Variants in MALRD1 observed in about 807,000 individuals in gnomAD.
The protein encoded by MALRD1 is MAM and LDL receptor class A domain containing 1, also known as MAM and LDL-receptor class A domain-containing protein 1.
A neutral mutation model predicts 242.1 loss-of-function variants in MALRD1; 247 were observed. The ratio of observed to expected loss-of-function variants is 1.02; its 90% CI spans 0.92 to 1.13. The LOEUF (loss-of-function observed/expected upper bound fraction) is 1.13, where lower values mean the gene tolerates loss of function less well. Ranked by LOEUF, MALRD1 falls within the 50% of genes most tolerant of loss-of-function variation. The pLI is 0.00. For synonymous variants in MALRD1, 995 were observed against 866.6 expected, an observed-to-expected ratio of 1.15 and a Z score of -2.60; for missense variants, 2,989 against 2,533.1, an observed-to-expected ratio of 1.18 and a Z score of -3.86.
intron 31 of MALRD1, among the ~76,000 whole-genome samples, chr10:19,518,531 A>G (rs1427012951): frequency 6.6e-6 from 1 of 152,166 alleles, no homozygotes; most frequent in East Asian, 1.9e-4. Flanking sequence ...GATAGTATTT[A>G]TGATAGTGTG....
chr10:19,144,346 G>T (rs769101921), intron 10 of MALRD1, among the ~76,000 whole-genome samples: 1 of 152,180 alleles, frequency 6.6e-6, no homozygotes, highest in Non-Finnish European at 1.5e-5. Flanking sequence ...GGAACCCACA[G>T]ATATGGAAGA....
chr10:19,556,165 A>G (rs756161039), intron 32 of MALRD1, among the ~76,000 whole-genome samples: 6 of 152,128 alleles, frequency 3.9e-5, no homozygotes, highest in Non-Finnish European at 7.4e-5. Flanking sequence ...GAGTGGAAAG[A>G]ACAAACAGTT....
chr10:19,581,091 G>A (rs1837097687), intron 33 of MALRD1, among the ~76,000 whole-genome samples: 1 of 151,764 alleles, frequency 6.6e-6, no homozygotes, highest in South Asian at 2.1e-4. Flanking sequence ...CTTTATGAAG[G>A]GCTCTTATGG....
At chr10:19,690,990 A>G (rs1304456530) in intron 36 of MALRD1, among the ~76,000 whole-genome samples, 1 of 152,076 alleles carries the variant, frequency 6.6e-6, no homozygotes, top group African/African-American at 2.4e-5. Flanking sequence ...ATGCCAGGAA[A>G]GTGGCACTAT....
intron 21 of MALRD1, chr10:19,291,430 C>A (rs1401415362): frequency 6.6e-6 from 1 of 151,908 alleles, no homozygotes; most frequent in Non-Finnish European, 1.5e-5. Flanking sequence ...ACCTGTAATC[C>A]CATTGAGAGG....
At chr10:19,228,125 C>T (rs549744266) in intron 18 of MALRD1, among the ~76,000 whole-genome samples, 2 of 152,174 alleles carry the variant, frequency 1.3e-5, no homozygotes, top group Middle Eastern at 3.4e-3. Flanking sequence ...AAAAACATAT[C>T]CGTACCAAGC....
chr10:19,706,973 C>G (rs1331512629), intron 38 of MALRD1, among the ~76,000 whole-genome samples: 1 of 151,926 alleles, frequency 6.6e-6, no homozygotes, highest in Non-Finnish European at 1.5e-5. Context: ...GTAACCCTTC[C>G]TCCTCCTCTT....
At chr10:19,295,433 T>C (rs949035103) in intron 21 of MALRD1, among the ~76,000 whole-genome samples, 3 of 149,952 alleles carry the variant, frequency 2.0e-5, no homozygotes, top group Non-Finnish European at 4.4e-5. Flanking sequence ...AAGTTCACCA[T>C]TTTTTATGCC....
chr10:19,329,091 A>G (rs1297399875), intron 23 of MALRD1, among the ~76,000 whole-genome samples: 2 of 152,226 alleles, frequency 1.3e-5, no homozygotes, highest in Admixed American at 6.5e-5. Context: ...AGTTTTTCAC[A>G]TATTGAGATT....
intron 29 of MALRD1, among the ~76,000 whole-genome samples, chr10:19,483,504 A>T (rs1368362738): frequency 2.0e-5 from 3 of 152,200 alleles, no homozygotes; most frequent in Non-Finnish European, 4.4e-5. Flanking sequence ...GACACTTCTC[A>T]AAAGAAGACA....
chr10:19,166,957 C>A (rs539003491), intron 13 of MALRD1, among the ~76,000 whole-genome samples: 4 of 152,220 alleles, frequency 2.6e-5, no homozygotes, highest in South Asian at 2.1e-4. Context: ...ATCAAATTTC[C>A]TAATGTGTGA....
intron 33 of MALRD1, among the ~76,000 whole-genome samples, chr10:19,587,174 A>G (rs998446912): frequency 5.9e-5 from 9 of 152,170 alleles, no homozygotes; most frequent in African/African-American, 2.2e-4. Context: ...GAAATGCAGA[A>G]ATCACCCATC....
chr10:19,296,638 G>T (rs1411119475), intron 21 of MALRD1, among the ~76,000 whole-genome samples: 1 of 152,126 alleles, frequency 6.6e-6, no homozygotes, highest in Non-Finnish European at 1.5e-5. Context: ...TTCAAGATAA[G>T]TTGGGACTGG....
At chr10:19,175,990 A>C in intron 14 of MALRD1, among the ~76,000 whole-genome samples, 2 of 152,176 alleles carry the variant, frequency 1.3e-5, no homozygotes, top group Non-Finnish European at 2.9e-5. Context: ...CATTGAAAGA[A>C]TGTACACTAT....
rs1366865915 is a variant in MALRD1, at chr10:19,270,336, T to TCTCACACACACA, written c.3080-9710_3080-9709insTCACACACACAC. ...TCTCTCTTCTCTCTCTCTCTCTCTC[T>TCTCACACACACA]CACACACACACACACACACACACAC... On this transcript the variant is annotated intron_variant, in intron 19 of 39. Transcript: ENST00000454679. Among the ~76,000 whole-genome samples, 19 of 130,874 alleles carry TCTCACACACACA rather than the reference T, an allele frequency of 1.5e-4. 1 individual carries two copies. The highest frequency in any genetic ancestry group is 4.7e-4 in the African/African-American group (17 of 36,096). The allele number at this position is 130,874 out of a possible 152,430, so 85.9% of individuals were successfully genotyped here.
intron 14 of MALRD1, among the ~76,000 whole-genome samples, chr10:19,197,562 C>G (rs1836320626): frequency 1.3e-5 from 2 of 152,168 alleles, no homozygotes; most frequent in African/African-American, 4.8e-5. Flanking sequence ...ATGCTATGGC[C>G]TCAAGGCTTT....
At chr10:19,399,326 C>T (rs1295328007) in intron 28 of MALRD1, among the ~76,000 whole-genome samples, 2 of 152,154 alleles carry the variant, frequency 1.3e-5, no homozygotes, top group African/African-American at 2.4e-5. Flanking sequence ...TTTTACTCTT[C>T]TCATTTTTCT....
chr10:19,171,945 TA>T (rs1190137658), intron 13 of MALRD1, among the ~76,000 whole-genome samples: 1 of 123,504 alleles, frequency 8.1e-6, no homozygotes, highest in Admixed American at 8.4e-5. Context: ...ATATATCATA[TA>T]ATATATGTAT....
chr10:19,259,683 C>T (rs1839663490), intron 19 of MALRD1, among the ~76,000 whole-genome samples: 1 of 152,080 alleles, frequency 6.6e-6, no homozygotes, highest in Admixed American at 6.6e-5. Context: ...CACAGCCAAA[C>T]CATGTCATAT....
Sources: gnomAD v4.1 joint callset for allele counts (sites outside exome capture counted in the v4.1 genomes callset) on GRCh38, gnomAD v4.1.1 for gene constraint, MANE v1.5 for transcripts, NCBI Gene and HGNC (gene_info 2026-07-23, HGNC 2026-07-21) for gene names.